The following IQSEC1 variants were observed in gnomAD, a reference collection of about 807,000 sequenced individuals.
IQSEC1 encodes the protein IQ motif and SEC7 domain-containing protein 1.
In IQSEC1, 31 loss-of-function variants were observed where a neutral mutation model predicts 91.0. That is an observed-to-expected ratio of 0.34 (90% CI 0.26 to 0.46). The LOEUF (loss-of-function observed/expected upper bound fraction) is 0.46, where lower values mean the gene tolerates loss of function less well. Ranked by LOEUF, IQSEC1 falls within the 20% of genes least tolerant of loss-of-function variation. IQSEC1 has a pLI of 1.00. For missense variants in IQSEC1, 1,388 were observed against 1,575.6 expected (o/e 0.88, Z 2.02); for synonymous variants, 699 against 662.6 (o/e 1.05, Z -0.84).
At chr3:13,035,928 C>T (rs1410033971) in intron 1 of IQSEC1, among the ~76,000 whole-genome samples, 4 of 152,304 alleles carry the variant, frequency 2.6e-5, no homozygotes, top group Admixed American at 1.3e-4. Flanking sequence ...ATGGAGAGTC[C>T]CGTGCAGGTG....
chr3:13,059,651 T>A (rs1032075273), intron 1 of IQSEC1, among the ~76,000 whole-genome samples: 1 of 152,034 alleles, frequency 6.6e-6, no homozygotes, highest in Non-Finnish European at 1.5e-5. Context: ...CTTGGGAGGC[T>A]GAGGTGGGAG....
Position 12,909,494 on chromosome 3 carries a change from CCT to C in IQSEC1, c.2417-62_2417-61del. 6.6e-7 allele frequency: 1 copy of C among 1,509,552 alleles called. No individual in the cohort carries two copies. The highest frequency in any genetic ancestry group is 9.1e-7 in the Non-Finnish European group (1 of 1,098,652). The allele number at this position is 1,509,552 out of a possible 1,614,324, so 93.5% of individuals were successfully genotyped here. ...GGTCTCAGTGTGTTCTCTGCAATCT[CCT>C]CTCTGGTCAGGAAACAATGGTAGGG... On this transcript the variant is annotated intron_variant, in intron 10 of 13. Coordinates refer to ENST00000613206, the MANE Select transcript of IQSEC1 (RefSeq NM_001134382.3). The surrounding 1 kb of genome is among the most constrained non-coding windows in gnomAD (Gnocchi z 4.9).
At chr3:13,073,524 C>A (rs947371058), upstream of IQSEC1, among the ~76,000 whole-genome samples, 8 of 152,054 alleles carry the variant, frequency 5.3e-5, no homozygotes, top group Non-Finnish European at 8.8e-5. Flanking sequence ...AGGCGCTGGT[C>A]GCCATGGCAA....
chr3:13,221,495 C>T (rs1447853929), intron 1 of IQSEC1, among the ~76,000 whole-genome samples: 1 of 152,222 alleles, frequency 6.6e-6, no homozygotes, highest in African/African-American at 2.4e-5. Flanking sequence ...AGGGCCCCCA[C>T]CTGTGGACTC....
intron 2 of IQSEC1, among the ~76,000 whole-genome samples, chr3:13,091,069 G>A (rs111637458): frequency 7.2e-5 from 11 of 152,112 alleles, no homozygotes; most frequent in African/African-American, 1.7e-4. Flanking sequence ...TTCTGTGCTC[G>A]GTTTCTACGG....
intron 1 of IQSEC1, among the ~76,000 whole-genome samples, chr3:13,012,311 G>C (rs73147220): frequency 2.7e-4 from 41 of 152,260 alleles, no homozygotes; most frequent in African/African-American, 9.9e-4. Flanking sequence ...CATTTGCCAG[G>C]CTACCTCCTC....
intron 1 of IQSEC1, among the ~76,000 whole-genome samples, chr3:13,028,784 C>T (rs1703727724): frequency 1.3e-5 from 2 of 152,182 alleles, no homozygotes; most frequent in African/African-American, 2.4e-5. Flanking sequence ...ACATAGGCAC[C>T]GGAGGCTCTG....
intron 1 of IQSEC1, among the ~76,000 whole-genome samples, chr3:13,252,545 TTTGGG>T (rs1229385390): frequency 5.3e-5 from 8 of 152,186 alleles, no homozygotes; most frequent in African/African-American, 1.9e-4. Context: ...GTTCAATTCT[TTTGGG>T]CATATGCCCA....
chr3:13,272,359 C>A (rs765193011), intron 1 of IQSEC1, among the ~76,000 whole-genome samples: 1 of 152,234 alleles, frequency 6.6e-6, no homozygotes, highest in Non-Finnish European at 1.5e-5. Context: ...CCCTCACATT[C>A]CATCCCTAGG....
chr3:13,038,262 G>GTATGTA (rs1704114423), intron 1 of IQSEC1, among the ~76,000 whole-genome samples: 1 of 101,236 alleles, frequency 9.9e-6, no homozygotes, highest in Non-Finnish European at 1.9e-5. Context: ...GTGTGTGTGT[G>GTATGTA]TATATATATA....
chr3:13,270,382 C>G (rs9843332), intron 1 of IQSEC1, among the ~76,000 whole-genome samples: 3,528 of 152,290 alleles, frequency 0.023, 113 homozygotes, highest in African/African-American at 0.072. Context: ...GGCAGGACCC[C>G]TTAAAGAAAT....
intron 2 of IQSEC1, among the ~76,000 whole-genome samples, chr3:13,122,108 G>A (rs958014280): frequency 1.3e-4 from 13 of 98,180 alleles, no homozygotes; most frequent in Non-Finnish European, 2.3e-4. Context: ...ACCCTGTGAA[G>A]AGCAATGCCC....
chr3:13,239,748 G>A (rs1419437374), intron 1 of IQSEC1, among the ~76,000 whole-genome samples: 1 of 152,272 alleles, frequency 6.6e-6, no homozygotes, highest in African/African-American at 2.4e-5. Context: ...TGAACCCTGA[G>A]GACTTGATGC....
chr3:13,003,534 A>G (rs141309223), intron 1 of IQSEC1, among the ~76,000 whole-genome samples: 89 of 152,336 alleles, frequency 5.8e-4, no homozygotes, highest in African/African-American at 2.0e-3. Context: ...GGAAACGATT[A>G]AAAATAAAAT....
intron 1 of IQSEC1, among the ~76,000 whole-genome samples, chr3:13,172,441 A>C (rs1275013368): frequency 2.6e-5 from 4 of 152,224 alleles, no homozygotes; most frequent in Non-Finnish European, 5.9e-5. Context: ...AAGCTGGTTC[A>C]TCCAGACAAT....
At chr3:13,027,978 T>A (rs887406464) in intron 1 of IQSEC1, among the ~76,000 whole-genome samples, 1 of 152,206 alleles carries the variant, frequency 6.6e-6, no homozygotes, top group African/African-American at 2.4e-5. Flanking sequence ...GCCCACAGGA[T>A]ACCTCTTGTA....
chr3:13,077,704 G>A (rs1312350412), upstream of IQSEC1, among the ~76,000 whole-genome samples: 1 of 152,244 alleles, frequency 6.6e-6, no homozygotes, highest in Non-Finnish European at 1.5e-5. Context: ...CTGACGGAGG[G>A]AGGAAGCAGC....
In IQSEC1 at chr3:12,979,659, ATTAAGCC is replaced by A. The variant is rs555628671; in HGVS notation, c.24-37801_24-37795del. 2.1e-4 allele frequency among the ~76,000 whole-genome samples: 32 copies of A among 152,294 alleles called. No homozygotes were observed. Among genetic ancestry groups the A allele is most frequent in the South Asian group, 6.2e-4 (3 of 4,830 alleles). On this transcript the variant is annotated intron_variant, in intron 1 of 13. Coordinates refer to ENST00000613206, the MANE Select transcript of IQSEC1 (RefSeq NM_001134382.3). This position sits in a 1 kb window ranked among gnomAD's most constrained non-coding sequence, Gnocchi z 4.3. ...ACTCCCTATATAATCAATACATTGC[ATTAAGCC>A]TTTGTGGGTGATAAAGAGACATTAA...
chr3:13,250,565 C>T (rs1343745073), intron 1 of IQSEC1, among the ~76,000 whole-genome samples: 1 of 151,526 alleles, frequency 6.6e-6, no homozygotes, highest in African/African-American at 2.4e-5. Flanking sequence ...CTCCGAGTAG[C>T]TGGGATTACA....
Sources: gnomAD v4.1 joint callset for allele counts (sites outside exome capture counted in the v4.1 genomes callset) on GRCh38, gnomAD v4.1.1 for gene constraint, Gnocchi (gnomAD v3.1) non-coding constraint, MANE v1.5 for transcripts, NCBI Gene and HGNC (gene_info 2026-07-23, HGNC 2026-07-21) for gene names.